The following NELL1 variants were observed in gnomAD, a reference collection of about 807,000 sequenced individuals.
NELL1 encodes neural EGFL like 1.
In NELL1, 76 loss-of-function variants were observed where a neutral mutation model predicts 107.4. The ratio of observed to expected loss-of-function variants is 0.71; its 90% CI spans 0.59 to 0.86. The LOEUF (loss-of-function observed/expected upper bound fraction) is 0.86. Ranked by LOEUF, NELL1 falls within the 40% of genes least tolerant of loss-of-function variation. NELL1 has a pLI of 0.00. For synonymous variants in NELL1, 353 were observed against 341.2 expected, an observed-to-expected ratio of 1.03 and a Z score of -0.38; for missense variants, 1,024 against 1,005.5, an observed-to-expected ratio of 1.02 and a Z score of -0.25.
chr11:21,056,072 T>C (rs1590592031), intron 12 of NELL1, among the ~76,000 whole-genome samples: 2 of 152,118 alleles, frequency 1.3e-5, no homozygotes, highest in African/African-American at 4.8e-5. Flanking sequence ...CACAACATGC[T>C]GATGAGGATA....
At chr11:21,325,349 C>T (rs1028917516) in intron 14 of NELL1, among the ~76,000 whole-genome samples, 1 of 152,052 alleles carries the variant, frequency 6.6e-6, no homozygotes, top group African/African-American at 2.4e-5. Flanking sequence ...GCTTTGTCAA[C>T]ATCTCTGATT....
chr11:21,573,810 A>G (rs1045845051), intron 19 of NELL1, among the ~76,000 whole-genome samples: 20 of 151,622 alleles, frequency 1.3e-4, no homozygotes, highest in African/African-American at 3.4e-4. Context: ...GAAGGAAACC[A>G]GTCAACTTCC....
intron 12 of NELL1, among the ~76,000 whole-genome samples, chr11:21,094,569 G>T (rs2133694126): frequency 6.6e-6 from 1 of 152,340 alleles, no homozygotes; most frequent in South Asian, 2.1e-4. Context: ...GCAAACTTCT[G>T]CATGAGCATC....
chr11:21,137,990 C>A (rs1167401359), intron 13 of NELL1, among the ~76,000 whole-genome samples: 1 of 152,124 alleles, frequency 6.6e-6, no homozygotes, highest in Non-Finnish European at 1.5e-5. Context: ...CTGGAGGGAC[C>A]TTTGAAATGT....
At chr11:21,189,344 A>T (rs1857001067) in intron 13 of NELL1, among the ~76,000 whole-genome samples, 1 of 151,872 alleles carries the variant, frequency 6.6e-6, no homozygotes, top group African/African-American at 2.4e-5. Context: ...ATTATTGTTC[A>T]AATTGTTTAT....
At chr11:21,503,951 C>G (rs779060036) in intron 15 of NELL1, 1 of 152,104 alleles carries the variant, frequency 6.6e-6, no homozygotes, top group African/African-American at 2.4e-5. Context: ...TATGATATCA[C>G]TGGGAGAAAC....
At chr11:21,143,575 T>A (rs895446099) in intron 13 of NELL1, among the ~76,000 whole-genome samples, 1 of 152,182 alleles carries the variant, frequency 6.6e-6, no homozygotes, top group Non-Finnish European at 1.5e-5. Flanking sequence ...TGTAAGGCCC[T>A]CTTCTTCAAA....
At chr11:21,556,443 G>A (rs1381114844) in intron 16 of NELL1, among the ~76,000 whole-genome samples, 2 of 151,946 alleles carry the variant, frequency 1.3e-5, no homozygotes, top group Non-Finnish European at 2.9e-5. Flanking sequence ...TAGCTCCTGA[G>A]GCAAGTACTA....
At chr11:21,387,610 G>A (rs1445982786) in intron 15 of NELL1, among the ~76,000 whole-genome samples, 1 of 151,854 alleles carries the variant, frequency 6.6e-6, no homozygotes, top group East Asian at 1.9e-4. Context: ...TCAAAGCTCA[G>A]GCTTTTAAAA....
chr11:20,700,806 GT>G (rs1448190213), intron 2 of NELL1, among the ~76,000 whole-genome samples: 1 of 151,970 alleles, frequency 6.6e-6, no homozygotes, highest in African/African-American at 2.4e-5. Flanking sequence ...ATGGTTTCCA[GT>G]TTCATCCATG....
intron 15 of NELL1, among the ~76,000 whole-genome samples, chr11:21,515,427 G>A (rs10766826): frequency 0.4 from 61,063 of 151,932 alleles, 12,581 homozygotes; most frequent in African/African-American, 0.47. Flanking sequence ...TCTGTGGGGG[G>A]CCTTCCTCTT....
chr11:21,280,146 A>T (rs1313078395), intron 14 of NELL1, among the ~76,000 whole-genome samples: 3 of 152,194 alleles, frequency 2.0e-5, no homozygotes, highest in Admixed American at 1.3e-4. Flanking sequence ...ACCTATCATT[A>T]TACATTGGTC....
intron 15 of NELL1, among the ~76,000 whole-genome samples, chr11:21,403,869 A>G (rs1186273051): frequency 6.6e-6 from 1 of 150,410 alleles, no homozygotes; most frequent in East Asian, 1.9e-4. Context: ...CACACTATTT[A>G]GCTATCTCCA....
chr11:20,783,913 C>T (rs1004465416), intron 3 of NELL1, 83 bp downstream of exon 3: 5 of 1,327,822 alleles, frequency 3.8e-6, no homozygotes, highest in Non-Finnish European at 5.0e-6. Context: ...AGTTTGTAGC[C>T]CCATGAAAAC....
intron 4 of NELL1, among the ~76,000 whole-genome samples, chr11:20,870,709 A>G (rs1157320638): frequency 6.6e-6 from 1 of 152,254 alleles, no homozygotes; most frequent in Non-Finnish European, 1.5e-5. Flanking sequence ...TTGATTAAAC[A>G]GCTGGCAGTT....
intron 4 of NELL1, among the ~76,000 whole-genome samples, chr11:20,871,410 A>G (rs1333072583): frequency 6.6e-6 from 1 of 152,178 alleles, no homozygotes; most frequent in Admixed American, 6.5e-5. Context: ...CTCTAAGAGG[A>G]CAGGGATATA....
At chr11:20,721,599 G>T (rs1047620463) in intron 2 of NELL1, among the ~76,000 whole-genome samples, 2 of 152,116 alleles carry the variant, frequency 1.3e-5, no homozygotes, top group African/African-American at 2.4e-5. Flanking sequence ...AAGTCTTATC[G>T]CCAAGCCTTA....
rs559078520 is a variant in NELL1 at position 20,995,954 on chromosome 11, T to C, written c.1300+35394T>C. 1.1e-4 allele frequency among the ~76,000 whole-genome samples: 16 copies of C among 152,346 alleles called. No homozygotes were observed. The South Asian group carries it at 3.3e-3, about 32-fold the overall frequency. ...CAAGGGCTGAAGAATGAACGAGATT[T>C]GGATTAAAGGACAAAAGAAGAGAAA... On this transcript the variant is annotated intron_variant, in intron 12 of 19. Coordinates refer to ENST00000357134, the MANE Select transcript of NELL1 (RefSeq NM_006157.5).
At chr11:20,691,831 A>T (rs1336223019) in intron 2 of NELL1, among the ~76,000 whole-genome samples, 1 of 151,862 alleles carries the variant, frequency 6.6e-6, no homozygotes, top group Non-Finnish European at 1.5e-5. Context: ...CTCTTTTTCT[A>T]TTGATTGGAA....
Sources: gnomAD v4.1 joint callset for allele counts (sites outside exome capture counted in the v4.1 genomes callset) on GRCh38, gnomAD v4.1.1 for gene constraint, MANE v1.5 for transcripts, NCBI Gene and HGNC (gene_info 2026-07-23, HGNC 2026-07-21) for gene names.